Variants in BTBD10 observed in about 807,000 individuals in gnomAD.
BTBD10 encodes the protein BTB domain containing 10.
A neutral mutation model predicts 53.2 loss-of-function variants in BTBD10; 21 were observed. The ratio of observed to expected loss-of-function variants is 0.39; its 90% confidence interval spans 0.28 to 0.57. The LOEUF is 0.57. BTBD10 is among the 20% of genes least tolerant of loss of function. BTBD10 has a pLI of 0.53. For missense variants in BTBD10, 360 were observed against 594.7 expected, an observed-to-expected ratio of 0.61 and a Z score of 4.10; for synonymous variants, 149 against 192.7, an observed-to-expected ratio of 0.77 and a Z score of 1.88.
intron 8 of BTBD10, among the ~76,000 whole-genome samples, chr11:13,393,839 G>T (rs1365943624): frequency 2.0e-5 from 3 of 152,008 alleles, no homozygotes; most frequent in Non-Finnish European, 2.9e-5. Context: ...CACAGACTTG[G>T]ATTCAAGACC....
Position 13,388,917 on chromosome 11 carries a change from G to C in BTBD10, c.1342C>G (p.Gln448Glu). ...DQLVVMHPTPQVDELDILPIH... is the reference protein window; with the variant it reads ...DQLVVMHPTPEVDELDILPIH... ...GGGAGAATATCCAGCTCATCCACTT[G>C]TGGAGTTGGATGCATGACTACCAGC... is the stretch of plus-strand genomic sequence containing the variant. The change falls in exon 9 of 9, where the codon CAA becomes GAA. Residue 448 changes from glutamine (Q) to glutamate (E), a missense_variant. By Grantham distance (29) the Gln-to-Glu change is conservative. Transcript: ENST00000278174. 6.2e-7 allele frequency: 1 copy of C among 1,614,218 alleles called. No individual in the cohort carries two copies. Among genetic ancestry groups the C allele is most frequent in the Non-Finnish European group, 8.5e-7 (1 of 1,180,032 alleles).
Position 13,419,619 on chromosome 11 carries a change from C to T in BTBD10, c.425G>A (p.Ser142Asn). 1 of 1,614,098 alleles carries T rather than the reference C, an allele frequency of 6.2e-7. No individual in the cohort carries two copies. The highest frequency in any genetic ancestry group is 8.5e-7 in the Non-Finnish European group (1 of 1,179,988). The stretch of plus-strand genomic sequence containing the variant: ...CACCATCTCCCCAGCTGTCTTACAG[C>T]TACCATCTGAACTTGACTGACTACT... The part of the protein sequence containing the change: ...RNSSQSSSDG[S>N]CKTAGEMVFV... The change falls in exon 4 of 9, where the codon AGC (serine) becomes AAC (asparagine). Residue 142 changes from serine (S) to asparagine (N), a missense_variant. Around this residue, in one of 6 missense-constraint regions of BTBD10, gnomAD observed 109 missense variants for 118.6 expected, o/e 0.92. Coordinates refer to ENST00000278174, the MANE Select transcript of BTBD10 (RefSeq NM_032320.7).
At chr11:13,396,850 T>C (rs989052583) in intron 8 of BTBD10, among the ~76,000 whole-genome samples, 1 of 152,216 alleles carries the variant, frequency 6.6e-6, no homozygotes, top group African/African-American at 2.4e-5. Context: ...CGTTTATTGA[T>C]TTTTGCATGT....
intron 1 of BTBD10, among the ~76,000 whole-genome samples, chr11:13,458,091 C>T (rs1352220968): frequency 7.6e-6 from 1 of 132,408 alleles, no homozygotes; most frequent in African/African-American, 2.8e-5. Context: ...CACTTGAGCC[C>T]AGAAGTTCAA....
intron 8 of BTBD10, among the ~76,000 whole-genome samples, chr11:13,398,728 G>A (rs1318763031): frequency 6.6e-6 from 1 of 152,140 alleles, no homozygotes; most frequent in African/African-American, 2.4e-5. Flanking sequence ...GCTCTTGTAG[G>A]GCAGGCCTGG....
intron 6 of BTBD10, among the ~76,000 whole-genome samples, chr11:13,413,090 T>C (rs1010108832): frequency 3.3e-5 from 5 of 152,186 alleles, no homozygotes; most frequent in Non-Finnish European, 5.9e-5. Context: ...CTAGGATCTT[T>C]AATGATAGGT....
intron 6 of BTBD10, 115 bp from the exon 7 acceptor site, chr11:13,405,971 T>C: frequency 2.2e-6 from 2 of 891,126 alleles, no homozygotes; most frequent in Non-Finnish European, 3.4e-6. Context: ...CCCCCTCATT[T>C]TACACATCAT....
At chr11:13,399,892 G>A (rs186493767) in intron 8 of BTBD10, among the ~76,000 whole-genome samples, 1 of 152,162 alleles carries the variant, frequency 6.6e-6, no homozygotes, top group Admixed American at 6.5e-5. Context: ...GCTGCTGCCT[G>A]ATCGTTCCTC....
chr11:13,455,452 T>C (rs1254430201), intron 1 of BTBD10, among the ~76,000 whole-genome samples: 1 of 152,226 alleles, frequency 6.6e-6, no homozygotes, highest in East Asian at 1.9e-4. Context: ...GCTCAATAAA[T>C]GTTTGAAAAT....
At chr11:13,391,700 C>CT (rs1949409481) in intron 8 of BTBD10, among the ~76,000 whole-genome samples, 1 of 152,192 alleles carries the variant, frequency 6.6e-6, no homozygotes, top group African/African-American at 2.4e-5. Flanking sequence ...AAAATCAGCC[C>CT]TTTGGGAGGC....
intron 3 of BTBD10, 115 bp from the exon 4 acceptor site, chr11:13,419,860 A>G (rs1565247789): frequency 7.4e-6 from 8 of 1,087,798 alleles, no homozygotes; most frequent in Non-Finnish European, 1.0e-5. Flanking sequence ...CAGCATTTCT[A>G]CTTTTCAATT....
At chr11:13,426,221 T>C (rs1453498487) in intron 2 of BTBD10, among the ~76,000 whole-genome samples, 1 of 151,892 alleles carries the variant, frequency 6.6e-6, no homozygotes, top group African/African-American at 2.4e-5. Flanking sequence ...TCAACCTAGG[T>C]TTTTCACAGC....
chr11:13,415,431 A>C (rs1950079656), intron 5 of BTBD10, among the ~76,000 whole-genome samples: 1 of 152,150 alleles, frequency 6.6e-6, no homozygotes, highest in Admixed American at 6.5e-5. Flanking sequence ...TACAGGCACA[A>C]CTGAAGCCTG....
Position 13,410,614 on chromosome 11 carries a change from C to A in BTBD10, c.808+2916G>T, listed in dbSNP as rs534216485. 6.7e-5 allele frequency among the ~76,000 whole-genome samples: 10 copies of A among 150,272 alleles called. 1 individual carries two copies. The South Asian group carries it at 1.7e-3, about 25-fold the overall frequency. On this transcript the variant is annotated intron_variant, in intron 6 of 8. Transcript: ENST00000278174. ...AAATCTTCTAGCCAATTTGACAGGA[C>A]AAAAAAAAGATATAAAAAGTGTTAT...
chr11:13,453,091 C>G (rs991280163), intron 1 of BTBD10, among the ~76,000 whole-genome samples: 2 of 152,080 alleles, frequency 1.3e-5, no homozygotes, highest in African/African-American at 4.8e-5. Context: ...TAGAAAAAAT[C>G]TAGAACCAAT....
intron 2 of BTBD10, among the ~76,000 whole-genome samples, chr11:13,435,128 T>C (rs1950523519): frequency 6.6e-6 from 1 of 152,192 alleles, no homozygotes; most frequent in African/African-American, 2.4e-5. Context: ...AATTTCGGAG[T>C]TGGCAGTCAC....
intron 1 of BTBD10, among the ~76,000 whole-genome samples, chr11:13,460,774 C>T (rs975624408): frequency 6.6e-6 from 1 of 152,148 alleles, no homozygotes; most frequent in Non-Finnish European, 1.5e-5. Context: ...TAAGTCAATG[C>T]CTAGGAAGAC....
At chr11:13,408,893 G>A (rs550459193) in intron 6 of BTBD10, among the ~76,000 whole-genome samples, 2 of 152,200 alleles carry the variant, frequency 1.3e-5, no homozygotes, top group Non-Finnish European at 2.9e-5. Flanking sequence ...ACAGCCAAAA[G>A]TGATTCTTTT....
chr11:13,421,536 C>G, intron 3 of BTBD10, 106 bp downstream of exon 3: 1 of 937,242 alleles, frequency 1.1e-6, no homozygotes, highest in Admixed American at 3.2e-5. Flanking sequence ...ATAGAAGCAG[C>G]TAATTTTACT....
Sources: allele counts gnomAD v4.1 joint callset (sites outside exome capture counted in the v4.1 genomes callset), GRCh38; gene constraint gnomAD v4.1.1; regional missense constraint gnomAD v4.1.1; transcripts MANE v1.5; gene names NCBI Gene and HGNC (gene_info 2026-07-23, HGNC 2026-07-21).